CALD1: variants seen among roughly 807,000 people sequenced by gnomAD.
CALD1 encodes the protein caldesmon 1, also known as caldesmon.
A neutral mutation model predicts 99.9 loss-of-function variants in CALD1; 33 were observed. The observed-to-expected ratio is 0.33, with a 90% CI of 0.25 to 0.44. The LOEUF (loss-of-function observed/expected upper bound fraction) is 0.44. CALD1 is among the 20% of genes least tolerant of loss of function. The probability of loss-of-function intolerance (pLI) is 1.00; values close to 1 mark genes in which losing one functional copy is unlikely to be tolerated. For missense variants in CALD1, 861 were observed against 962.1 expected, an observed-to-expected ratio of 0.89 and a Z score of 1.39; for synonymous variants, 310 against 325.0, an observed-to-expected ratio of 0.95 and a Z score of 0.50.
intron 2 of CALD1, among the ~76,000 whole-genome samples, chr7:134,862,637 T>C (rs1800612356): frequency 6.6e-6 from 1 of 152,210 alleles, no homozygotes; most frequent in African/African-American, 2.4e-5. Context: ...TGTATGATGC[T>C]ACTATGGTGA....
At chr7:134,712,022 G>A in the CALD1 span, among the ~76,000 whole-genome samples, 1 of 124,976 alleles carries the variant, frequency 8.0e-6, no homozygotes, top group Non-Finnish European at 1.6e-5. Context: ...AGGGAAGGAG[G>A]GAGAGAGGGA....
chr7:134,776,795 GA>G (rs1044904957), upstream of CALD1, among the ~76,000 whole-genome samples: 14 of 151,988 alleles, frequency 9.2e-5, no homozygotes, highest in African/African-American at 3.4e-4. Context: ...AACTAATTTT[GA>G]ATTAAAAAAA....
intron 1 of CALD1, among the ~76,000 whole-genome samples, chr7:134,825,770 G>T (rs1018120554): frequency 1.1e-4 from 17 of 151,970 alleles, no homozygotes; most frequent in African/African-American, 4.1e-4. Flanking sequence ...TGATTTATTG[G>T]TCATTAATAG....
At chr7:134,779,516 C>T, upstream of CALD1, 1 of 393,816 alleles carries the variant, frequency 2.5e-6, no homozygotes, top group Non-Finnish European at 4.5e-6. Flanking sequence ...ATTAGAAAAA[C>T]GACAGGACAA....
intron 14 of CALD1, 39 bp from the exon 15 acceptor site, chr7:134,968,301 A>C: frequency 6.2e-7 from 1 of 1,608,824 alleles, no homozygotes; most frequent in Non-Finnish European, 8.5e-7. Flanking sequence ...TCAGTTTCAC[A>C]CTACAGGCTG....
chr7:134,885,767 C>G (rs552650835), intron 3 of CALD1, among the ~76,000 whole-genome samples: 2 of 152,180 alleles, frequency 1.3e-5, no homozygotes, highest in African/African-American at 4.8e-5. Flanking sequence ...TCACTATGGC[C>G]TAGATTCAGT....
the CALD1 span, among the ~76,000 whole-genome samples, chr7:134,715,644 A>G: frequency 2.0e-3 from 307 of 152,350 alleles, 5 homozygotes; most frequent in East Asian, 0.05. Context: ...GTATATATGT[A>G]TATGTGTATG....
At chr7:134,713,263 C>T in the CALD1 span, among the ~76,000 whole-genome samples, 1 of 152,212 alleles carries the variant, frequency 6.6e-6, no homozygotes, top group African/African-American at 2.4e-5. Context: ...TTAATTTCCA[C>T]TCTAATCCAA....
At chr7:134,860,853 G>A (rs911781084) in intron 2 of CALD1, among the ~76,000 whole-genome samples, 15 of 152,150 alleles carry the variant, frequency 9.9e-5, no homozygotes, top group African/African-American at 3.6e-4. Flanking sequence ...TAAAATTTGA[G>A]CATGAAATTC....
intron 3 of CALD1, among the ~76,000 whole-genome samples, chr7:134,903,192 G>C (rs576588463): frequency 1.3e-5 from 2 of 152,222 alleles, no homozygotes; most frequent in East Asian, 3.9e-4. Flanking sequence ...GCAGAGCACA[G>C]GGGATTTTTA....
At chr7:134,932,847 C>A in intron 4 of CALD1, 141 bp from the exon 5 acceptor site, 1 of 560,064 alleles carries the variant, frequency 1.8e-6, no homozygotes, top group Non-Finnish European at 3.1e-6. Context: ...CAGGCGTGTA[C>A]TAAAATGGTA....
intron 3 of CALD1, among the ~76,000 whole-genome samples, chr7:134,879,429 T>C (rs1006720019): frequency 6.6e-6 from 1 of 152,232 alleles, no homozygotes; most frequent in Non-Finnish European, 1.5e-5. Context: ...ACGCAGACTG[T>C]TTTTGAATTT....
At chr7:134,962,660 G>T (rs936112809) in intron 13 of CALD1, among the ~76,000 whole-genome samples, 1 of 152,136 alleles carries the variant, frequency 6.6e-6, no homozygotes, top group Non-Finnish European at 1.5e-5. Flanking sequence ...AGAATTTATA[G>T]GATTTCAGTG....
At chr7:134,762,618 G>C (rs1338941041) in intron 1 of CALD1, among the ~76,000 whole-genome samples, 1 of 152,212 alleles carries the variant, frequency 6.6e-6, no homozygotes, top group Non-Finnish European at 1.5e-5. Flanking sequence ...TACAATCCTG[G>C]TGGAAGGCAA....
At chr7:134,796,308 A>G (rs1379395531) in intron 1 of CALD1, among the ~76,000 whole-genome samples, 1 of 152,236 alleles carries the variant, frequency 6.6e-6, no homozygotes, top group African/African-American at 2.4e-5. Flanking sequence ...CTATGATGCC[A>G]AGGTGGGGAG....
At chr7:134,762,228 C>G (rs1796784479) in intron 1 of CALD1, among the ~76,000 whole-genome samples, 1 of 152,244 alleles carries the variant, frequency 6.6e-6, no homozygotes, top group South Asian at 2.1e-4. Context: ...TGGCCAGGTT[C>G]TCTTCTAAGT....
At chr7:134,896,344 T>C (rs1586233439) in intron 3 of CALD1, among the ~76,000 whole-genome samples, 1 of 72 alleles carries the variant, frequency 0.014, no homozygotes, top group African/African-American at 0.062. Flanking sequence ...TTTCTAACAC[T>C]GACCAATTTG....
intron 1 of CALD1, among the ~76,000 whole-genome samples, chr7:134,751,984 A>C (rs1248067809): frequency 1.3e-5 from 2 of 152,116 alleles, no homozygotes; most frequent in Non-Finnish European, 2.9e-5. Flanking sequence ...CAAAAAAAAA[A>C]GTTTGTCATC....
chr7:134,907,760 G>A (rs762092113), intron 3 of CALD1, among the ~76,000 whole-genome samples: 19 of 151,698 alleles, frequency 1.3e-4, no homozygotes, highest in Non-Finnish European at 2.5e-4. Flanking sequence ...GTCCCCCCCC[G>A]CCTTTTCATT....
Sources: gnomAD v4.1 joint callset for allele counts (sites outside exome capture counted in the v4.1 genomes callset) on GRCh38, gnomAD v4.1.1 for gene constraint, MANE v1.5 for transcripts, NCBI Gene and HGNC (gene_info 2026-07-23, HGNC 2026-07-21) for gene names.